Variants in PPP2R3A observed in about 807,000 individuals in gnomAD.
The protein encoded by PPP2R3A is protein phosphatase 2 regulatory subunit B''alpha.
Under a neutral mutation model 106.9 loss-of-function variants are expected in PPP2R3A, and 80 were observed. The ratio of observed to expected loss-of-function variants is 0.75; its 90% CI spans 0.62 to 0.90. The LOEUF is 0.90. Among genes scored for constraint, PPP2R3A ranks in the 40% least tolerant of loss-of-function variants. The pLI is 0.00. For synonymous variants in PPP2R3A, 483 were observed against 468.3 expected, an observed-to-expected ratio of 1.03 and a Z score of -0.41; for missense variants, 1,386 against 1,350.4, an observed-to-expected ratio of 1.03 and a Z score of -0.41.
chr3:136,007,211 G>A (rs1457169202), intron 2 of PPP2R3A, among the ~76,000 whole-genome samples: 1 of 152,228 alleles, frequency 6.6e-6, no homozygotes, highest in African/African-American at 2.4e-5. Flanking sequence ...CCACATCTGG[G>A]CTACTAGCCT....
intron 7 of PPP2R3A, 84 bp downstream of exon 7, chr3:136,078,537 C>G (rs771112461): frequency 6.1e-6 from 5 of 821,554 alleles, no homozygotes; most frequent in Non-Finnish European, 9.9e-6. Flanking sequence ...AGCGCTTACT[C>G]TATTCAAAGC....
chr3:135,984,245 T>C (rs1485718875), intron 1 of PPP2R3A, among the ~76,000 whole-genome samples: 3 of 152,302 alleles, frequency 2.0e-5, no homozygotes, highest in African/African-American at 7.2e-5. Flanking sequence ...TCCTTTAGCC[T>C]TAATATAGAC....
Position 136,068,533 on chromosome 3 carries a change from GAAAT to G in PPP2R3A, c.2470-1939_2470-1936del, listed in dbSNP as rs200477028. 6.1e-3 allele frequency among the ~76,000 whole-genome samples: 930 copies of G among 152,166 alleles called. 9 individuals are homozygous for G. The highest frequency in any genetic ancestry group is 0.025 in the East Asian group (129 of 5,172). ...AAGACTCCGTCTCAAAAAAATAAAA[GAAAT>G]AAATAGGAGAGAAGAGACAGCTCTT... On this transcript the variant is annotated intron_variant, in intron 5 of 13. Transcript: ENST00000264977.
intron 2 of PPP2R3A, among the ~76,000 whole-genome samples, chr3:136,004,724 T>G (rs1192576256): frequency 6.6e-6 from 1 of 152,140 alleles, no homozygotes; most frequent in Non-Finnish European, 1.5e-5. Context: ...CCAATGTTAA[T>G]GGTTAATCCT....
At chr3:136,136,852 T>G (rs1007530189) in intron 13 of PPP2R3A, among the ~76,000 whole-genome samples, 3 of 152,224 alleles carry the variant, frequency 2.0e-5, no homozygotes, top group Non-Finnish European at 1.5e-5. Flanking sequence ...CTGGTACTTA[T>G]GTAATGTCTT....
At chr3:136,115,650 G>C (rs1045809647) in intron 13 of PPP2R3A, among the ~76,000 whole-genome samples, 4 of 151,518 alleles carry the variant, frequency 2.6e-5, no homozygotes, top group Non-Finnish European at 5.9e-5. Context: ...AAGGATATCA[G>C]ACATTGAAGA....
At chr3:135,997,745 C>T (rs1005420467) in intron 1 of PPP2R3A, among the ~76,000 whole-genome samples, 2 of 152,186 alleles carry the variant, frequency 1.3e-5, no homozygotes, top group Admixed American at 1.3e-4. Context: ...AAGATTCCTC[C>T]CTGTCACTTT....
intron 6 of PPP2R3A, among the ~76,000 whole-genome samples, chr3:136,073,792 A>G (rs1271990594): frequency 6.6e-6 from 1 of 152,258 alleles, no homozygotes; most frequent in Non-Finnish European, 1.5e-5. Flanking sequence ...AACTTGGTCA[A>G]ATAATGGCAT....
chr3:135,977,141 A>G (rs924677864), intron 1 of PPP2R3A, among the ~76,000 whole-genome samples: 2 of 152,164 alleles, frequency 1.3e-5, no homozygotes, highest in Admixed American at 6.5e-5. Context: ...TTTGTAAAAC[A>G]TATATATAAG....
At chr3:136,039,310 A>T (rs149640066) in intron 3 of PPP2R3A, among the ~76,000 whole-genome samples, 1 of 152,210 alleles carries the variant, frequency 6.6e-6, no homozygotes, top group Non-Finnish European at 1.5e-5. Context: ...CTTGTTGAAG[A>T]GTTCCACATT....
intron 1 of PPP2R3A, among the ~76,000 whole-genome samples, chr3:135,985,902 T>C (rs532558099): frequency 1.2e-4 from 19 of 152,228 alleles, no homozygotes; most frequent in Admixed American, 8.5e-4. Context: ...GGAACTAAAA[T>C]CAAGGAATGA....
chr3:136,137,026 A>G (rs552858043), intron 13 of PPP2R3A, among the ~76,000 whole-genome samples: 1 of 152,362 alleles, frequency 6.6e-6, no homozygotes, highest in East Asian at 1.9e-4. Context: ...AAGAGAAGCC[A>G]GAAAGACAGG....
intron 13 of PPP2R3A, among the ~76,000 whole-genome samples, chr3:136,136,076 ATATAT>A (rs1559940377): frequency 6.7e-5 from 2 of 29,804 alleles, no homozygotes; most frequent in African/African-American, 4.8e-5. Flanking sequence ...AAAAAAAATT[ATATAT>A]ATATATATAT....
At chr3:135,972,377 G>A (rs570040254) in intron 1 of PPP2R3A, among the ~76,000 whole-genome samples, 78 of 152,314 alleles carry the variant, frequency 5.1e-4, no homozygotes, top group African/African-American at 1.9e-3. Flanking sequence ...TTGACATTTA[G>A]ATTGTTTACA....
At chr3:136,059,781 A>G (rs1052900171) in intron 5 of PPP2R3A, among the ~76,000 whole-genome samples, 2 of 152,212 alleles carry the variant, frequency 1.3e-5, no homozygotes, top group African/African-American at 4.8e-5. Flanking sequence ...TATATACCCT[A>G]TGGAATACTA....
At chr3:136,033,137 G>A (rs1304089547) in intron 3 of PPP2R3A, among the ~76,000 whole-genome samples, 1 of 152,160 alleles carries the variant, frequency 6.6e-6, no homozygotes, top group African/African-American at 2.4e-5. Flanking sequence ...AGATGATCAT[G>A]TGATTTTGGT....
At chr3:136,104,552 C>T (rs1183854146) in intron 12 of PPP2R3A, among the ~76,000 whole-genome samples, 1 of 152,100 alleles carries the variant, frequency 6.6e-6, no homozygotes, top group Non-Finnish European at 1.5e-5. Flanking sequence ...GTGATCTGCC[C>T]ACCTAGGCCT....
chr3:136,119,306 A>G (rs1220188912), intron 13 of PPP2R3A, among the ~76,000 whole-genome samples: 2 of 152,252 alleles, frequency 1.3e-5, no homozygotes, highest in African/African-American at 2.4e-5. Context: ...AGACATAGGC[A>G]TGGGCAAAGA....
chr3:136,047,480 T>C (rs1935510810), intron 4 of PPP2R3A, among the ~76,000 whole-genome samples: 1 of 152,236 alleles, frequency 6.6e-6, no homozygotes, highest in South Asian at 2.1e-4. Context: ...GAATGAAGTC[T>C]TGTTCTTTGT....
Sources: allele counts gnomAD v4.1 joint callset (sites outside exome capture counted in the v4.1 genomes callset), GRCh38; gene constraint gnomAD v4.1.1; transcripts MANE v1.5; gene names NCBI Gene and HGNC (gene_info 2026-07-23, HGNC 2026-07-21).